Variants in ST18 observed in about 807,000 individuals in gnomAD.
ST18 encodes the protein suppression of tumorigenicity 18 protein.
In ST18, 50 loss-of-function variants were observed where a neutral mutation model predicts 110.0. The observed-to-expected ratio is 0.45, with a 90% confidence interval of 0.36 to 0.58. The LOEUF is 0.58. Ranked by LOEUF, ST18 falls within the 20% of genes least tolerant of loss-of-function variation. ST18 has a pLI of 0.00. For missense variants in ST18, 1,306 were observed against 1,280.1 expected, an observed-to-expected ratio of 1.02 and a Z score of -0.31; for synonymous variants, 461 against 452.4, an observed-to-expected ratio of 1.02 and a Z score of -0.24.
chr8:52,354,705 A>G (rs1223709083), intron 2 of ST18, among the ~76,000 whole-genome samples: 1 of 152,138 alleles, frequency 6.6e-6, no homozygotes, highest in Non-Finnish European at 1.5e-5. Flanking sequence ...GAGGGAAGTT[A>G]CCAGTGAGAT....
chr8:52,379,158 G>C (rs1013930525), intron 2 of ST18, among the ~76,000 whole-genome samples: 50 of 150,290 alleles, frequency 3.3e-4, no homozygotes, highest in Non-Finnish European at 6.9e-4. Context: ...AAGTGCAGTG[G>C]CTCAATCTCA....
intron 24 of ST18, 42 bp downstream of exon 24, chr8:52,118,296 T>C (rs2043287791): frequency 7.4e-7 from 1 of 1,345,628 alleles, no homozygotes; most frequent in Non-Finnish European, 1.0e-6. Flanking sequence ...CCACCAAAGA[T>C]TATGATTACA....
intron 2 of ST18, among the ~76,000 whole-genome samples, chr8:52,310,616 A>AT (rs113346418): frequency 0.2 from 29,719 of 151,732 alleles, 3,168 homozygotes; most frequent in African/African-American, 0.28. Context: ...AAGTCTACTC[A>AT]TTTTTTTTGC....
At chr8:52,184,728 T>C (rs1473806249) in intron 8 of ST18, among the ~76,000 whole-genome samples, 1 of 152,172 alleles carries the variant, frequency 6.6e-6, no homozygotes, top group Admixed American at 6.5e-5. Context: ...TGTAACATAG[T>C]TTTAAAATGT....
intron 2 of ST18, among the ~76,000 whole-genome samples, chr8:52,297,971 A>G (rs1251272819): frequency 6.6e-6 from 1 of 152,234 alleles, no homozygotes; most frequent in African/African-American, 2.4e-5. Flanking sequence ...CCCCAGTGAC[A>G]TTCCCTTTAT....
At chr8:52,238,071 C>A (rs1214766616) in intron 2 of ST18, among the ~76,000 whole-genome samples, 1 of 152,078 alleles carries the variant, frequency 6.6e-6, no homozygotes, top group Non-Finnish European at 1.5e-5. Context: ...TAGCAAGTGT[C>A]GATGAGGATG....
chr8:52,322,051 A>G (rs1436365100), intron 2 of ST18, among the ~76,000 whole-genome samples: 1 of 152,190 alleles, frequency 6.6e-6, no homozygotes, highest in Non-Finnish European at 1.5e-5. Context: ...ACCATTCTGT[A>G]CAATACAATG....
chr8:52,317,866 T>A (rs1201789446), intron 2 of ST18, among the ~76,000 whole-genome samples: 1 of 152,254 alleles, frequency 6.6e-6, no homozygotes, highest in Non-Finnish European at 1.5e-5. Flanking sequence ...TTAGAAATAT[T>A]ACGTGGAATA....
In ST18 at chr8:52,166,912, G is replaced by C; in HGVS notation, c.1144C>G (p.Leu382Val). Residue 382 changes from leucine to valine, a missense_variant, in exon 11 of 26, where the codon CTC becomes GTC. Leu to Val is a conservative substitution (Grantham distance 32, BLOSUM62 1). Coordinates refer to ENST00000689386, the MANE Select transcript of ST18 (RefSeq NM_001352837.2). The stretch of plus-strand genomic sequence containing the variant: ...GAAAGGCTGCGGTGGTGCGGGTAGA[G>C]CCCTGTCACGTGTCCCGTGCCATCA... ...GCDGTGHVTG[L>V]YPHHRSLSGC... The C allele has an allele frequency of 6.2e-7, 1 of 1,612,654 alleles. No homozygotes were observed. The highest frequency in any genetic ancestry group is 8.5e-7 in the Non-Finnish European group (1 of 1,178,910).
intron 2 of ST18, among the ~76,000 whole-genome samples, chr8:52,345,294 A>T (rs1017480874): frequency 6.6e-6 from 1 of 152,180 alleles, no homozygotes; most frequent in Non-Finnish European, 1.5e-5. Context: ...TTTGTCTCTT[A>T]TCCTTCCTGA....
At chr8:52,138,335 T>C (rs2053353043) in intron 17 of ST18, among the ~76,000 whole-genome samples, 1 of 152,208 alleles carries the variant, frequency 6.6e-6, no homozygotes, top group Non-Finnish European at 1.5e-5. Flanking sequence ...AATTCACCAT[T>C]AGCCTAAGAA....
intron 8 of ST18, among the ~76,000 whole-genome samples, chr8:52,210,745 C>T (rs912924220): frequency 2.0e-5 from 3 of 151,854 alleles, no homozygotes; most frequent in African/African-American, 7.3e-5. Context: ...ACAGGTAGGG[C>T]CATGGATTCC....
chr8:52,204,452 C>T (rs112744705), intron 8 of ST18, among the ~76,000 whole-genome samples: 8,824 of 152,206 alleles, frequency 0.058, 871 homozygotes, highest in African/African-American at 0.2. Context: ...TTCTAGTAAG[C>T]CCCCAGGGGA....
In ST18 at chr8:52,150,282, A is replaced by G. The variant is rs183319271; in HGVS notation, c.1807-305T>C. Reference sequence around the variant, plus strand: ...AATGTGTGTGTGTGTGTGTGTGTGTATATATATGTGTATATATATACACAT... The same window carrying G: ...AATGTGTGTGTGTGTGTGTGTGTGTGTATATATGTGTATATATATACACAT... On this transcript the variant is annotated intron_variant, in intron 15 of 25. Transcript: ENST00000689386. Among the ~76,000 whole-genome samples, 288 of 149,670 alleles carry G rather than the reference A, an allele frequency of 1.9e-3. 2 individuals carry two copies. Among genetic ancestry groups the G allele is most frequent in the East Asian group, 0.019 (98 of 5,150 alleles).
At chr8:52,354,937 A>G (rs1005533561) in intron 2 of ST18, among the ~76,000 whole-genome samples, 2 of 152,260 alleles carry the variant, frequency 1.3e-5, no homozygotes, top group African/African-American at 4.8e-5. Flanking sequence ...CTGTTAAGAT[A>G]AAACATATTC....
intron 2 of ST18, among the ~76,000 whole-genome samples, chr8:52,373,772 G>T (rs1012112452): frequency 1.3e-5 from 2 of 151,726 alleles, no homozygotes; most frequent in African/African-American, 4.8e-5. Flanking sequence ...CCTCTCCCTC[G>T]CTATGTTGTA....
intron 2 of ST18, among the ~76,000 whole-genome samples, chr8:52,388,325 G>T (rs1368169863): frequency 1.3e-5 from 2 of 151,804 alleles, no homozygotes; most frequent in Non-Finnish European, 2.9e-5. Context: ...CAGAGCCTCA[G>T]CCACCCACAC....
intron 8 of ST18, among the ~76,000 whole-genome samples, chr8:52,185,990 G>C (rs1048852525): frequency 6.6e-6 from 1 of 152,074 alleles, no homozygotes; most frequent in Admixed American, 6.6e-5. Flanking sequence ...CCAGTAAGGG[G>C]AGCCTCCTAT....
At chr8:52,128,037 T>A (rs1456685629) in intron 22 of ST18, among the ~76,000 whole-genome samples, 2 of 152,110 alleles carry the variant, frequency 1.3e-5, no homozygotes, top group African/African-American at 2.4e-5. Context: ...TGGCACAATT[T>A]GGCTCACTGC....
Sources: allele counts gnomAD v4.1 joint callset (sites outside exome capture counted in the v4.1 genomes callset), GRCh38; gene constraint gnomAD v4.1.1; transcripts MANE v1.5; gene names NCBI Gene and HGNC (gene_info 2026-07-23, HGNC 2026-07-21).